Variants in PIK3C2A observed in about 807,000 individuals in gnomAD.
The protein encoded by PIK3C2A is phosphatidylinositol-4-phosphate 3-kinase catalytic subunit type 2 alpha, also known as phosphatidylinositol 4-phosphate 3-kinase C2 domain-containing subunit alpha.
In PIK3C2A, 97 loss-of-function variants were observed where a neutral mutation model predicts 204.5. That is an observed-to-expected ratio of 0.47 (90% CI 0.40 to 0.56). The LOEUF (loss-of-function observed/expected upper bound fraction) is 0.56, where lower values mean the gene tolerates loss of function less well. Among genes scored for constraint, PIK3C2A ranks in the 20% least tolerant of loss-of-function variants. The pLI is 0.00. For missense variants in PIK3C2A, 1,735 were observed against 1,969.2 expected (o/e 0.88, Z 2.25); for synonymous variants, 653 against 664.4 (o/e 0.98, Z 0.26).
At position 17,169,307 on chromosome 11, in the gene PIK3C2A, T is replaced by G; in HGVS notation, c.435A>C (p.Gly145=). The G allele has an allele frequency of 6.2e-7, 1 of 1,614,152 alleles. No individual in the cohort carries two copies. ...AAGCATAAGTGGAAGGCCCAGGTAA[T>G]CCAGGTGGCCACTGTCCTCTCTGAA... ...PTIQRGQWPP[G]LPGPSTYALP... Residue 145 remains glycine (G), a synonymous_variant, in exon 2 of 33, where the codon GGA becomes GGC. Coordinates refer to ENST00000691414, the MANE Select transcript of PIK3C2A (RefSeq NM_002645.4).
At position 17,162,799 on chromosome 11, in the gene PIK3C2A, T is replaced by G. The variant is rs573417341; in HGVS notation, c.1065+5878A>C. 7.2e-5 allele frequency among the ~76,000 whole-genome samples: 11 copies of G among 152,344 alleles called. No individual in the cohort carries two copies. In the East Asian group the frequency reaches 1.5e-3, roughly 21 times the overall value. ...ATCTCTTCTTTGCTGAATTAAACTA[T>G]GTTAAATATGTCTAAAGTTTTTCTC... On this transcript the variant is annotated intron_variant, in intron 2 of 32. Coordinates refer to ENST00000691414, the MANE Select transcript of PIK3C2A (RefSeq NM_002645.4).
chr11:17,204,261 CA>C (rs1852487557), intron 1 of PIK3C2A: 1 of 152,086 alleles, frequency 6.6e-6, no homozygotes, highest in South Asian at 2.1e-4. Flanking sequence ...TAACATACAC[CA>C]GATTTAAAAG....
chr11:17,200,564 A>C (rs1179936710), intron 1 of PIK3C2A, among the ~76,000 whole-genome samples: 1 of 152,208 alleles, frequency 6.6e-6, no homozygotes, highest in East Asian at 1.9e-4. Flanking sequence ...ATAGGGATAA[A>C]AAACAAATGA....
In PIK3C2A at chr11:17,136,763, T is replaced by C. The variant is rs1340854029; in HGVS notation, c.1705-138A>G. The C allele has an allele frequency of 1.2e-5, 6 of 516,458 alleles. No individual in the cohort carries two copies. In the South Asian group the frequency reaches 1.4e-4, roughly 12 times the overall value. The allele number at this position is 516,458 out of a possible 1,614,324, so 32.0% of individuals were successfully genotyped here. A position where few individuals can be genotyped will look rare whatever the true frequency, so the allele number is the denominator to read the frequency against. ...CTTTTGTGATGACAAAGAAAAAACA[T>C]AGCTTTTCAATTGTATAGTTTATTT... is the stretch of plus-strand genomic sequence containing the variant. On this transcript the variant is annotated intron_variant, in intron 8 of 32. Transcript: ENST00000691414.
chr11:17,206,839 G>T (rs934316360), intron 1 of PIK3C2A, among the ~76,000 whole-genome samples: 1 of 152,152 alleles, frequency 6.6e-6, no homozygotes, highest in Non-Finnish European at 1.5e-5. Context: ...TTTCCCAACA[G>T]AGCTTTTCTG....
chr11:17,110,367 C>G (rs994662165), intron 22 of PIK3C2A, 65 bp downstream of exon 22: 1 of 1,235,966 alleles, frequency 8.1e-7, no homozygotes, highest in African/African-American at 1.5e-5. Context: ...ATGTTTACGG[C>G]AGGTACACTT....
chr11:17,125,720 T>C (rs1849500721), intron 13 of PIK3C2A, among the ~76,000 whole-genome samples: 1 of 152,138 alleles, frequency 6.6e-6, no homozygotes, highest in South Asian at 2.1e-4. Flanking sequence ...GGTTTCGCCA[T>C]ATTGGCCAGA....
intron 1 of PIK3C2A, among the ~76,000 whole-genome samples, chr11:17,184,222 T>C (rs954672519): frequency 2.4e-4 from 35 of 146,744 alleles, no homozygotes; most frequent in African/African-American, 8.3e-4. Context: ...CCTTCTACTT[T>C]AAAAAAAAAA....
At chr11:17,128,273 CTT>C (rs754387936) in intron 13 of PIK3C2A, among the ~76,000 whole-genome samples, 31 of 85,850 alleles carry the variant, frequency 3.6e-4, no homozygotes, top group Non-Finnish European at 3.7e-4. Context: ...TTTAGAGATG[CTT>C]TTTTTTTTTT....
intron 1 of PIK3C2A, among the ~76,000 whole-genome samples, chr11:17,183,878 G>T (rs1851653949): frequency 6.6e-6 from 1 of 151,508 alleles, no homozygotes; most frequent in African/African-American, 2.4e-5. Flanking sequence ...GTCGAGGAGT[G>T]GGGTATGCTT....
chr11:17,122,169 C>T lies in PIK3C2A; in HGVS notation c.2657+19G>A, dbSNP rs770796892. The T allele has an allele frequency of 3.9e-6, 6 of 1,541,014 alleles. No individual in the cohort carries two copies. In the African/African-American group the frequency reaches 8.2e-5, roughly 21 times the overall value. ...ATTACAGGAGATACTTAGCCCAAAA[C>T]AGAATAAACAGAACATACCCAAGTG... On this transcript the variant is annotated intron_variant, in intron 15 of 32. Coordinates refer to ENST00000691414, the MANE Select transcript of PIK3C2A (RefSeq NM_002645.4).
chr11:17,156,057 G>C (rs903047256), intron 2 of PIK3C2A, among the ~76,000 whole-genome samples: 1 of 152,038 alleles, frequency 6.6e-6, no homozygotes, highest in African/African-American at 2.4e-5. Context: ...CAAGAAAGAT[G>C]GTTTTTTATG....
In PIK3C2A at chr11:17,117,670, G is replaced by A; in HGVS notation, c.3037C>T (p.Leu1013Phe). The A allele has an allele frequency of 7.0e-7, 1 of 1,426,912 alleles. No homozygotes were observed. Among genetic ancestry groups the A allele is most frequent in the East Asian group, 2.4e-5 (1 of 42,152 alleles). 88.4% of individuals were successfully genotyped at this position (1,426,912 alleles called of 1,614,324 possible). A position where few individuals can be genotyped will look rare whatever the true frequency, so the allele number is the denominator to read the frequency against. The change falls in exon 19 of 33, where the codon CTT (leucine) becomes TTT (phenylalanine). Residue 1013 changes from leucine (L) to phenylalanine (F), a missense_variant and splice_region_variant. Around this residue, in one of 6 missense-constraint regions of PIK3C2A, gnomAD observed 567 missense variants for 576.0 expected, o/e 0.98. Transcript: ENST00000691414. ...NIQIAHNLYWLLKDALHDVQF... is the reference protein window; with the variant it reads ...NIQIAHNLYWFLKDALHDVQF... ...ACATCATGCAGGGCATCTTTGAGAA[G>A]CCTAATACAGCAAAATATTTATGTT...
chr11:17,176,946 C>A (rs1381139171), intron 1 of PIK3C2A, among the ~76,000 whole-genome samples: 1 of 152,064 alleles, frequency 6.6e-6, no homozygotes, highest in Non-Finnish European at 1.5e-5. Flanking sequence ...AATGTATTAA[C>A]TAATTTAATC....
chr11:17,149,393 A>T (rs1365372982), intron 4 of PIK3C2A, among the ~76,000 whole-genome samples: 1 of 152,168 alleles, frequency 6.6e-6, no homozygotes, highest in Non-Finnish European at 1.5e-5. Flanking sequence ...GATGTGCATC[A>T]GTTGTATGAT....
At chr11:17,170,071 G>A (rs377093811) in intron 1 of PIK3C2A, among the ~76,000 whole-genome samples, 1 of 152,116 alleles carries the variant, frequency 6.6e-6, no homozygotes, top group South Asian at 2.1e-4. Flanking sequence ...AACTTTAGAC[G>A]CTTTCATTTT....
In PIK3C2A at chr11:17,094,296, C is replaced by T. The variant is rs201739198; in HGVS notation, c.4416G>A (p.Lys1472=). 5.6e-6 allele frequency: 9 copies of T among 1,610,528 alleles called. No homozygotes were observed. In the South Asian group the frequency reaches 7.7e-5, roughly 14 times the overall value. Residue 1472 remains lysine (K), a synonymous_variant, in exon 28 of 33, where the codon AAG becomes AAA. Transcript: ENST00000691414. ...TFDEFQELHN[K]LSIIFPLWKL... is the part of the protein sequence containing the mutation. The stretch of plus-strand genomic sequence containing the variant: ...TCCAAAGTGGAAAAATAATACTGAG[C>T]TTATTGTGAAGTTCCTGAAATTCGT...
At chr11:17,144,894 CAAAAA>C (rs35069519) in intron 8 of PIK3C2A, among the ~76,000 whole-genome samples, 6 of 78,090 alleles carry the variant, frequency 7.7e-5, no homozygotes, top group East Asian at 1.1e-3. Context: ...GACTCAGCCT[CAAAAA>C]AAAAAAAAAA....
At chr11:17,137,892 G>T in intron 8 of PIK3C2A, 1 of 382,248 alleles carries the variant, frequency 2.6e-6, no homozygotes. Flanking sequence ...AAGAGCATTA[G>T]GAAGACACTT....
Sources: allele counts gnomAD v4.1 joint callset (sites outside exome capture counted in the v4.1 genomes callset), GRCh38; gene constraint gnomAD v4.1.1; regional missense constraint gnomAD v4.1.1; transcripts MANE v1.5; gene names NCBI Gene and HGNC (gene_info 2026-07-23, HGNC 2026-07-21).